The following CTNNA3 variants were observed in gnomAD, a reference collection of about 807,000 sequenced individuals.
CTNNA3 encodes the protein catenin alpha 3.
CTNNA3 carries 76 observed loss-of-function variants against 95.7 expected under a neutral mutation model. The ratio of observed to expected loss-of-function variants is 0.79; its 90% confidence interval spans 0.66 to 0.96. The LOEUF (loss-of-function observed/expected upper bound fraction) is 0.96, where lower values mean the gene tolerates loss of function less well. Ranked by LOEUF, CTNNA3 falls within the 40% of genes least tolerant of loss-of-function variation. The pLI, the probability that CTNNA3 is intolerant of heterozygous loss-of-function variation, is 0.00. For missense variants in CTNNA3, 1,191 were observed against 1,089.8 expected (o/e 1.09, Z -1.31); for synonymous variants, 431 against 374.4 (o/e 1.15, Z -1.74).
intron 7 of CTNNA3, among the ~76,000 whole-genome samples, chr10:66,788,670 T>C (rs1344250993): frequency 6.6e-6 from 1 of 151,896 alleles, no homozygotes; most frequent in Non-Finnish European, 1.5e-5. Context: ...TAGCTAGAAA[T>C]CATGGGACAT....
intron 7 of CTNNA3, among the ~76,000 whole-genome samples, chr10:66,889,816 A>G (rs1167010236): frequency 7.0e-6 from 1 of 143,436 alleles, no homozygotes; most frequent in Non-Finnish European, 1.5e-5. Context: ...TTTGAGACAG[A>G]GTCTTGCTCT....
intron 5 of CTNNA3, among the ~76,000 whole-genome samples, chr10:67,223,546 C>T (rs1344754672): frequency 1.3e-5 from 2 of 152,048 alleles, no homozygotes; most frequent in Non-Finnish European, 2.9e-5. Context: ...TAAATGTTTC[C>T]AGCTGACGAA....
chr10:66,685,252 C>A (rs191274891), intron 9 of CTNNA3, among the ~76,000 whole-genome samples: 2 of 96,184 alleles, frequency 2.1e-5, no homozygotes, highest in Non-Finnish European at 4.0e-5. Context: ...TGTATATATA[C>A]GTATATATGT....
chr10:67,557,623 G>C (rs191830043), intron 3 of CTNNA3, among the ~76,000 whole-genome samples: 1 of 152,202 alleles, frequency 6.6e-6, no homozygotes, highest in African/African-American at 2.4e-5. Context: ...ATCTGGTCTT[G>C]GCATATGTAT....
chr10:67,672,253 G>A (rs922886377), intron 1 of CTNNA3, among the ~76,000 whole-genome samples: 11 of 152,038 alleles, frequency 7.2e-5, no homozygotes, highest in South Asian at 2.1e-4. Context: ...TAGATTCTGG[G>A]TATTAGCCCT....
At chr10:66,230,972 G>A (rs1437776768) in intron 13 of CTNNA3, among the ~76,000 whole-genome samples, 1 of 152,138 alleles carries the variant, frequency 6.6e-6, no homozygotes, top group Admixed American at 6.5e-5. Flanking sequence ...GGAGGTGCAG[G>A]GGCTATTGGG....
intron 5 of CTNNA3, among the ~76,000 whole-genome samples, chr10:67,431,863 A>G (rs547431288): frequency 1.3e-5 from 2 of 152,132 alleles, no homozygotes; most frequent in East Asian, 3.9e-4. Flanking sequence ...CTTTAATCCC[A>G]TAATTCAAAA....
At chr10:67,186,910 G>C in intron 6 of CTNNA3, among the ~76,000 whole-genome samples, 1 of 152,158 alleles carries the variant, frequency 6.6e-6, no homozygotes, top group East Asian at 1.9e-4. Context: ...GTTTAAAAGA[G>C]TAAGTATAGC....
At chr10:66,669,265 C>A (rs895771150) in intron 9 of CTNNA3, among the ~76,000 whole-genome samples, 1 of 151,928 alleles carries the variant, frequency 6.6e-6, no homozygotes, top group Non-Finnish European at 1.5e-5. Context: ...TAAAGTTGCC[C>A]GAGCGTGGTG....
intron 7 of CTNNA3, among the ~76,000 whole-genome samples, chr10:66,787,107 C>A (rs1840779463): frequency 6.6e-6 from 1 of 152,192 alleles, no homozygotes; most frequent in Non-Finnish European, 1.5e-5. Flanking sequence ...AAAACCTCTA[C>A]TTAGTGAGTC....
chr10:65,992,631 T>A (rs2078568275), intron 15 of CTNNA3, among the ~76,000 whole-genome samples: 1 of 152,104 alleles, frequency 6.6e-6, no homozygotes, highest in Admixed American at 6.5e-5. Context: ...GGGTATTCTC[T>A]CTTTTCTTGG....
intron 13 of CTNNA3, among the ~76,000 whole-genome samples, chr10:66,170,109 G>C (rs1005299604): frequency 6.6e-6 from 1 of 152,008 alleles, no homozygotes; most frequent in Non-Finnish European, 1.5e-5. Flanking sequence ...CCAATGTCTA[G>C]AAGGGTTTTT....
intron 5 of CTNNA3, among the ~76,000 whole-genome samples, chr10:67,370,960 G>T (rs530950726): frequency 6.8e-6 from 1 of 146,950 alleles, no homozygotes; most frequent in Non-Finnish European, 1.5e-5. Flanking sequence ...TGCGCCTCCC[G>T]GGTTCACGCC....
At chr10:67,528,820 T>G (rs760360638) in intron 4 of CTNNA3, among the ~76,000 whole-genome samples, 2 of 152,132 alleles carry the variant, frequency 1.3e-5, no homozygotes, top group Non-Finnish European at 2.9e-5. Flanking sequence ...CATTAATTAA[T>G]CAAATCAGAG....
At chr10:66,884,975 G>T (rs927723625) in intron 7 of CTNNA3, among the ~76,000 whole-genome samples, 1 of 151,872 alleles carries the variant, frequency 6.6e-6, no homozygotes, top group Non-Finnish European at 1.5e-5. Flanking sequence ...CTGATTTGAG[G>T]GTAAATTCAT....
intron 3 of CTNNA3, among the ~76,000 whole-genome samples, chr10:67,579,246 C>T (rs1842289859): frequency 7.6e-6 from 1 of 130,880 alleles, no homozygotes; most frequent in African/African-American, 3.0e-5. Context: ...ATGTTCCCCA[C>T]CCTGTGTCCA....
intron 13 of CTNNA3, among the ~76,000 whole-genome samples, chr10:66,185,328 A>G (rs182682960): frequency 9.9e-5 from 15 of 152,218 alleles, no homozygotes; most frequent in Admixed American, 8.5e-4. Context: ...TCTGAAGATT[A>G]TTCAGATATA....
chr10:66,865,123 A>G (rs1844115127), intron 7 of CTNNA3, among the ~76,000 whole-genome samples: 1 of 152,096 alleles, frequency 6.6e-6, no homozygotes, highest in South Asian at 2.1e-4. Flanking sequence ...TACTTATAAA[A>G]TACAGATATT....
intron 7 of CTNNA3, among the ~76,000 whole-genome samples, chr10:67,159,841 T>C (rs2132085545): frequency 6.6e-6 from 1 of 152,228 alleles, no homozygotes; most frequent in Non-Finnish European, 1.5e-5. Context: ...TCCAAAAGCA[T>C]GAGCAACAAA....
Sources: gnomAD v4.1 joint callset for allele counts (sites outside exome capture counted in the v4.1 genomes callset) on GRCh38, gnomAD v4.1.1 for gene constraint, MANE v1.5 for transcripts, NCBI Gene and HGNC (gene_info 2026-07-23, HGNC 2026-07-21) for gene names.